Variants in RNF128 observed in about 807,000 individuals in gnomAD.
RNF128 encodes the protein E3 ubiquitin-protein ligase RNF128.
Under a neutral mutation model 26.2 loss-of-function variants are expected in RNF128, and 13 were observed. That is an observed-to-expected ratio of 0.50 (90% confidence interval 0.32 to 0.79). The LOEUF (loss-of-function observed/expected upper bound fraction) is 0.79, where lower values mean the gene tolerates loss of function less well. Ranked by LOEUF, RNF128 falls within the 30% of genes least tolerant of loss-of-function variation. The probability of loss-of-function intolerance (pLI) is 0.03; values close to 1 mark genes in which losing one functional copy is unlikely to be tolerated. For missense variants in RNF128, 315 were observed against 349.7 expected (o/e 0.90, Z 0.79); for synonymous variants, 149 against 142.5 (o/e 1.05, Z -0.32).
intron 1 of RNF128, among the ~76,000 whole-genome samples, chrX:106,765,360 G>T (rs1930199784): frequency 9.0e-6 from 1 of 111,637 alleles, no homozygotes. Context: ...TAAATTTAAG[G>T]GATTGCTTGA....
chrX:106,714,560 A>G (rs1286220925), intron 1 of RNF128, among the ~76,000 whole-genome samples: 1 of 111,110 alleles, frequency 9.0e-6, no homozygotes, highest in Non-Finnish European at 1.9e-5. Flanking sequence ...CTCGAATTTC[A>G]CTAGTTTTAC....
Position 106,726,766 on chromosome X carries a change from G to C in RNF128, c.-148G>C. 1.9e-6 allele frequency: 2 copies of C among 1,065,747 alleles called. No individual in the cohort carries two copies. Among genetic ancestry groups the C allele is most frequent in the Non-Finnish European group, 2.4e-6 (2 of 831,114 alleles). 87.8% of individuals were successfully genotyped at this position (1,065,747 alleles called of 1,213,427 possible). On this transcript the variant is annotated 5_prime_UTR_variant, in exon 1 of 7. Transcript: ENST00000255499. ...GCGGCAACCTGTGTGCTGACGCTAC[G>C]TGCCTCCTGGCTCCGACGTAGCTCG... is the stretch of plus-strand genomic sequence containing the variant.
At chrX:106,712,983 C>T (rs1285825803) in intron 1 of RNF128, among the ~76,000 whole-genome samples, 1 of 106,105 alleles carries the variant, frequency 9.4e-6, no homozygotes, top group Non-Finnish European at 1.9e-5. Flanking sequence ...TGGGTTCAAA[C>T]GATTCTCCCG....
chrX:106,776,138 T>A (rs1238820033), intron 2 of RNF128, among the ~76,000 whole-genome samples: 2 of 112,464 alleles, frequency 1.8e-5, no homozygotes, highest in Non-Finnish European at 3.8e-5. Flanking sequence ...ACAAGAAAGA[T>A]TATGGGAAAC....
At chrX:106,782,481 A>G (rs149160677) in intron 2 of RNF128, among the ~76,000 whole-genome samples, 23 of 111,667 alleles carry the variant, frequency 2.1e-4, no homozygotes, top group Admixed American at 1.9e-3. Flanking sequence ...AAAAACATCA[A>G]AAGACAGATG....
intron 4 of RNF128, among the ~76,000 whole-genome samples, chrX:106,789,576 G>A (rs1024958869): frequency 1.0e-5 from 1 of 99,002 alleles, no homozygotes; most frequent in Non-Finnish European, 2.0e-5. Context: ...ATAATATGTA[G>A]TATATATAGT....
At position 106,750,168 on chromosome X, in the gene RNF128, C is replaced by G. The variant is rs756911714; in HGVS notation, c.485-22745C>G. On this transcript the variant is annotated intron_variant, in intron 1 of 6. Transcript: ENST00000255499. ...ACATTTCATCCCAATTCCACATTCA[C>G]GTGGCTATGGTGGGAGTATTTACAC... Among the ~76,000 whole-genome samples the G allele has an allele frequency of 3.6e-5, 4 of 111,920 alleles. No homozygotes were observed. In the South Asian group the frequency reaches 1.5e-3, roughly 42 times the overall value.
intron 6 of RNF128, among the ~76,000 whole-genome samples, chrX:106,795,331 A>C (rs1250808034): frequency 1.8e-5 from 2 of 111,717 alleles, no homozygotes; most frequent in East Asian, 5.6e-4. Flanking sequence ...TAAGGAGGCT[A>C]TAATCTAGGT....
In RNF128 at chrX:106,787,932, T is replaced by A. The variant is rs1385219273; in HGVS notation, c.819T>A (p.Asp273Glu). 2.5e-6 allele frequency: 3 copies of A among 1,184,262 alleles called. No individual in the cohort carries two copies. In the African/African-American group the frequency reaches 5.4e-5, roughly 21 times the overall value. The change falls in exon 4 of 7, where the codon GAT becomes GAA. Residue 273 changes from aspartate (D) to glutamate (E), a missense_variant. Transcript: ENST00000255499. ...CTTGCTTGTAGGAAATTGGCCCTGA[T>A]GGAGATAGTTGTGCTGTGTGCATTG... is the stretch of plus-strand genomic sequence containing the variant. ...LKQGDKEIGP[D>E]GDSCAVCIEL...
At chrX:106,770,347 C>T (rs1930347751) in intron 1 of RNF128, among the ~76,000 whole-genome samples, 1 of 111,740 alleles carries the variant, frequency 8.9e-6, no homozygotes, top group African/African-American at 3.3e-5. Context: ...TATTTTCCGA[C>T]GTGGTTCCAT....
At chrX:106,768,398 T>A (rs1930294361) in intron 1 of RNF128, among the ~76,000 whole-genome samples, 1 of 111,549 alleles carries the variant, frequency 9.0e-6, no homozygotes, top group African/African-American at 3.3e-5. Context: ...TCAGAGGCTG[T>A]TATTGGTCTA....
chrX:106,781,226 A>C (rs915538239), intron 2 of RNF128, among the ~76,000 whole-genome samples: 3 of 111,977 alleles, frequency 2.7e-5, no homozygotes, highest in African/African-American at 9.7e-5. Context: ...TAAGAGGTGG[A>C]AATAATGTGT....
In RNF128 at chrX:106,718,782, C is replaced by T. The variant is rs1196680649; in HGVS notation, c.406+24374C>T. On this transcript the variant is annotated intron_variant, in intron 1 of 6. Coordinates refer to the RNF128 transcript ENST00000324342. ...GCCTGTTTCCTGCTACCAACATAAC[C>T]GTAACACTTGTCTAATTCTGGTGTG... Among the ~76,000 whole-genome samples, 7 of 111,928 alleles carry T rather than the reference C, an allele frequency of 6.3e-5. No individual in the cohort carries two copies. The East Asian group carries it at 1.4e-3, about 22-fold the overall frequency.
intron 1 of RNF128, among the ~76,000 whole-genome samples, chrX:106,748,545 G>A (rs1929825701): frequency 8.9e-6 from 1 of 112,002 alleles, no homozygotes; most frequent in Admixed American, 9.5e-5. Context: ...AAGATGAATG[G>A]ATAAAGAAAA....
In RNF128 at chrX:106,710,073, A is replaced by T. The variant is rs187078785; in HGVS notation, c.406+15665A>T. Among the ~76,000 whole-genome samples the T allele has an allele frequency of 3.6e-5, 4 of 112,203 alleles. No individual in the cohort carries two copies. In the Admixed American group the frequency reaches 3.8e-4, roughly 11 times the overall value. ...TAAATTTACTTTCATATAAATTTTA[A>T]ATACTGCATAAATTGTGTTCTGATT... On this transcript the variant is annotated intron_variant, in intron 1 of 6. Transcript: ENST00000324342.
At position 106,717,456 on chromosome X, in the gene RNF128, A is replaced by G. The variant is rs781512100; in HGVS notation, c.406+23048A>G. Among the ~76,000 whole-genome samples, 53 of 112,038 alleles carry G rather than the reference A, an allele frequency of 4.7e-4. No individual in the cohort carries two copies. The South Asian group carries it at 0.019, about 40-fold the overall frequency. ...TTAAAGCTTATATTGCTGATAATCT[A>G]GATATGTGAAAGTAAAAACAAAGAG... On this transcript the variant is annotated intron_variant, in intron 1 of 6. Coordinates refer to the RNF128 transcript ENST00000324342.
Position 106,795,763 on chromosome X carries a change from A to G in RNF128, c.*50A>G. ...ACCATTAGTAATAACAGAACTGCCA[A>G]TCAGGGCCTAGTTTCTATTAATAAA... On this transcript the variant is annotated 3_prime_UTR_variant, in exon 7 of 7. Transcript: ENST00000255499. 2 of 1,017,441 alleles carry G rather than the reference A, an allele frequency of 2.0e-6. No homozygotes were observed. Among genetic ancestry groups the G allele is most frequent in the Non-Finnish European group, 2.7e-6 (2 of 751,838 alleles). 83.8% of individuals were successfully genotyped at this position (1,017,441 alleles called of 1,213,427 possible). A position where few individuals can be genotyped will look rare whatever the true frequency, so the allele number is the denominator to read the frequency against.
At chrX:106,788,327 A>AT in intron 4 of RNF128, among the ~76,000 whole-genome samples, 1 of 54,409 alleles carries the variant, frequency 1.8e-5, no homozygotes, top group African/African-American at 7.8e-5. Context: ...TATTAATATT[A>AT]TATATACTAT....
intron 1 of RNF128, among the ~76,000 whole-genome samples, chrX:106,714,265 T>A (rs1396135622): frequency 9.0e-6 from 1 of 111,213 alleles, no homozygotes; most frequent in Non-Finnish European, 1.9e-5. Context: ...ACACGGTGAT[T>A]TTTTTTTATG....
Sources: allele counts gnomAD v4.1 joint callset (sites outside exome capture counted in the v4.1 genomes callset), GRCh38; gene constraint gnomAD v4.1.1; transcripts MANE v1.5; gene names NCBI Gene and HGNC (gene_info 2026-07-23, HGNC 2026-07-21).